The following ABCG2 variants were observed in gnomAD, a reference collection of about 807,000 sequenced individuals.
The protein encoded by ABCG2 is ATP binding cassette subfamily G member 2 (JR blood group).
ABCG2 carries 80 observed loss-of-function variants against 73.5 expected under a neutral mutation model. The observed-to-expected ratio is 1.09, with a 90% confidence interval of 0.91 to 1.31. The LOEUF (loss-of-function observed/expected upper bound fraction) is 1.31, where lower values mean the gene tolerates loss of function less well. Among genes scored for constraint, ABCG2 ranks in the 50% most tolerant of loss-of-function variants. The pLI is 0.00. For missense variants in ABCG2, 796 were observed against 786.2 expected (o/e 1.01, Z -0.15); for synonymous variants, 269 against 282.4 (o/e 0.95, Z 0.48).
intron 1 of ABCG2, among the ~76,000 whole-genome samples, chr4:88,167,281 TG>T (rs1165525657): frequency 6.6e-6 from 1 of 151,886 alleles, no homozygotes; most frequent in African/African-American, 2.4e-5. Flanking sequence ...CAGCTCCTCT[TG>T]GCTGCCTGCA....
intron 1 of ABCG2, among the ~76,000 whole-genome samples, chr4:88,150,537 G>T (rs372030332): frequency 5.3e-5 from 8 of 152,332 alleles, no homozygotes; most frequent in African/African-American, 1.9e-4. Context: ...AGTTCTGAGT[G>T]AAGAAATGAT....
chr4:88,223,366 C>T (rs1730081469), intron 1 of ABCG2, among the ~76,000 whole-genome samples: 1 of 152,156 alleles, frequency 6.6e-6, no homozygotes, highest in Non-Finnish European at 1.5e-5. Flanking sequence ...CCACATGTCA[C>T]AGGAGGGACC....
chr4:88,210,765 T>C (rs1298413296), intron 1 of ABCG2, among the ~76,000 whole-genome samples: 2 of 152,036 alleles, frequency 1.3e-5, no homozygotes, highest in African/African-American at 4.8e-5. Context: ...GCTAATATTT[T>C]ATAGAGACAG....
chr4:88,147,016 GGAA>G (rs1364144290), intron 1 of ABCG2, among the ~76,000 whole-genome samples: 6 of 125,162 alleles, frequency 4.8e-5, no homozygotes, highest in Non-Finnish European at 9.8e-5. Context: ...AGAAAGAAAA[GGAA>G]AGAAAGAAAG....
chr4:88,196,510 T>C (rs921202376), intron 1 of ABCG2, among the ~76,000 whole-genome samples: 8 of 152,308 alleles, frequency 5.3e-5, no homozygotes, highest in African/African-American at 1.9e-4. Context: ...ACAAGGATTT[T>C]CCATTATTTG....
chr4:88,117,152 C>T (rs746421743), intron 7 of ABCG2, among the ~76,000 whole-genome samples: 6 of 151,682 alleles, frequency 4.0e-5, no homozygotes, highest in Non-Finnish European at 7.4e-5. Flanking sequence ...GGCAAGACCC[C>T]GACTCTACAA....
intron 1 of ABCG2, among the ~76,000 whole-genome samples, chr4:88,177,568 G>A (rs1002704049): frequency 6.6e-6 from 1 of 152,066 alleles, no homozygotes; most frequent in African/African-American, 2.4e-5. Flanking sequence ...ACACCAAATT[G>A]AACCACTATC....
At chr4:88,195,427 C>T (rs1196725624) in intron 1 of ABCG2, among the ~76,000 whole-genome samples, 4 of 152,234 alleles carry the variant, frequency 2.6e-5, no homozygotes, top group South Asian at 2.1e-4. Flanking sequence ...AATATGTGGT[C>T]GGCTTGTTAG....
At chr4:88,102,904 CT>C (rs1722531750) in intron 10 of ABCG2, among the ~76,000 whole-genome samples, 1 of 152,020 alleles carries the variant, frequency 6.6e-6, no homozygotes, top group African/African-American at 2.4e-5. Flanking sequence ...AGGCTAGGGT[CT>C]TTTTTGTTTT....
At chr4:88,133,871 G>A (rs1251926838) in intron 2 of ABCG2, among the ~76,000 whole-genome samples, 2 of 152,022 alleles carry the variant, frequency 1.3e-5, no homozygotes, top group Non-Finnish European at 2.9e-5. Flanking sequence ...GGTGGTGGGT[G>A]CCTGCAATCC....
chr4:88,220,056 A>G (rs1441336056), intron 1 of ABCG2, among the ~76,000 whole-genome samples: 2 of 152,024 alleles, frequency 1.3e-5, no homozygotes, highest in African/African-American at 2.4e-5. Context: ...GAATTTGACT[A>G]CCCTCACTAC....
intron 5 of ABCG2, 87 bp downstream of exon 5, chr4:88,130,974 A>G (rs1029195235): frequency 6.8e-7 from 1 of 1,471,542 alleles, no homozygotes; most frequent in Non-Finnish European, 9.3e-7. Context: ...TACACATTAC[A>G]GGAAACTTCT....
Position 88,113,459 on chromosome 4 carries a change from T to G in ABCG2, c.1038A>C (p.Lys346Asn), listed in dbSNP as rs1369418572. The G allele has an allele frequency of 1.2e-6, 2 of 1,614,160 alleles. No individual in the cohort carries two copies. The highest frequency in any genetic ancestry group is 2.2e-5 in the East Asian group (1 of 44,872). The change falls in exon 9 of 16, where the codon AAA (lysine) becomes AAC (asparagine). Residue 346 changes from lysine (K) to asparagine (N), a missense_variant. Lys to Asn is a moderately conservative substitution (Grantham distance 94). Coordinates refer to ENST00000237612, the MANE Select transcript of ABCG2 (RefSeq NM_004827.3). ...CCCCGGAAAGTTGATGTAATTCAGCTTTTGTCTCTTTGTAGAAGGAGGAGT... is the reference window on the plus strand; with the variant it reads ...CCCCGGAAAGTTGATGTAATTCAGCGTTTGTCTCTTTGTAGAAGGAGGAGT... ...YVNSSFYKET[K>N]AELHQLSGGE...
chr4:88,225,470 G>A (rs1014441500), intron 1 of ABCG2, among the ~76,000 whole-genome samples: 2 of 152,170 alleles, frequency 1.3e-5, no homozygotes, highest in African/African-American at 4.8e-5. Context: ...AAAGGGGCAA[G>A]GGCCAGATCA....
rs1005487399 is a variant in ABCG2, at chr4:88,158,632, C to T, written c.-266G>A. ...CGTCTCTCAATCTCAGTGGGAGTGGCGGGCACTGCCTCTTCCCTCCTGCGC... is the reference window on the plus strand; with the variant it reads ...CGTCTCTCAATCTCAGTGGGAGTGGTGGGCACTGCCTCTTCCCTCCTGCGC... On this transcript the variant is annotated 5_prime_UTR_variant, in exon 1 of 16. Transcript: ENST00000237612. 6.6e-6 allele frequency: 3 copies of T among 456,302 alleles called. No individual in the cohort carries two copies. The highest frequency in any genetic ancestry group is 4.6e-5 in the South Asian group (3 of 64,568). The allele number at this position is 456,302 out of a possible 1,614,324, so 28.3% of individuals were successfully genotyped here.
chr4:88,139,140 CA>C (rs35885773), intron 2 of ABCG2, among the ~76,000 whole-genome samples: 3,275 of 102,422 alleles, frequency 0.032, 167 homozygotes, highest in East Asian at 0.26. Context: ...GACTCCCTCT[CA>C]AAAAAAAAAA....
At chr4:88,101,491 C>G (rs188533803) in intron 10 of ABCG2, among the ~76,000 whole-genome samples, 172 bp from the exon 11 acceptor site, 218 of 152,306 alleles carry the variant, frequency 1.4e-3, no homozygotes, top group South Asian at 2.5e-3. Context: ...CTCTCCCCAT[C>G]TCTTATGTCT....
intron 9 of ABCG2, among the ~76,000 whole-genome samples, chr4:88,109,778 C>A (rs1319057077): frequency 3.3e-5 from 5 of 152,288 alleles, no homozygotes; most frequent in Non-Finnish European, 5.9e-5. Context: ...CAAGATTTAT[C>A]AGTAGAGAGT....
Position 88,099,286 on chromosome 4 carries a change from C to T in ABCG2, c.1492+38G>A, listed in dbSNP as rs2231155. ...CAACTGACTTCACCCATAGGCAAGA[C>T]TAAAGACATGTCCTTTTTTGTTTTG... is the stretch of plus-strand genomic sequence containing the variant. On this transcript the variant is annotated intron_variant, in intron 12 of 15. Coordinates refer to ENST00000237612, the MANE Select transcript of ABCG2 (RefSeq NM_004827.3). 0.012 allele frequency: 18,567 copies of T among 1,531,884 alleles called. 912 individuals carry two copies. The African/African-American group carries it at 0.14, about 12-fold the overall frequency. The allele number at this position is 1,531,884 out of a possible 1,614,324, so 94.9% of individuals were successfully genotyped here.
Sources: gnomAD v4.1 joint callset for allele counts (sites outside exome capture counted in the v4.1 genomes callset) on GRCh38, gnomAD v4.1.1 for gene constraint, MANE v1.5 for transcripts, NCBI Gene and HGNC (gene_info 2026-07-23, HGNC 2026-07-21) for gene names.